TSR1: variants seen among roughly 807,000 people sequenced by gnomAD.
TSR1 encodes pre-rRNA-processing protein TSR1 homolog.
In TSR1, 81 loss-of-function variants were observed where a neutral mutation model predicts 90.9. The observed-to-expected ratio is 0.89, with a 90% CI of 0.74 to 1.07. TSR1 has a LOEUF of 1.07. Ranked by LOEUF, TSR1 falls within the 50% of genes least tolerant of loss-of-function variation. TSR1 has a pLI of 0.00. For synonymous variants in TSR1, 362 were observed against 348.8 expected, an observed-to-expected ratio of 1.04 and a Z score of -0.42; for missense variants, 989 against 987.3, an observed-to-expected ratio of 1.00 and a Z score of -0.02.
intron 11 of TSR1, chr17:2,329,113 T>C (rs1157223967): frequency 1.3e-6 from 1 of 759,118 alleles, no homozygotes; most frequent in Non-Finnish European, 2.4e-6. Context: ...ATGGAACAAA[T>C]ACTCATGGCA....
chr17:2,332,305 CAG>C lies in TSR1; in HGVS notation c.1358_1359del (p.Ser453CysfsTer3). 4 of 1,613,504 alleles carry C rather than the reference CAG, an allele frequency of 2.5e-6. No homozygotes were observed. Among genetic ancestry groups the C allele is most frequent in the Non-Finnish European group, 3.4e-6 (4 of 1,179,920 alleles). On this transcript the variant is annotated frameshift_variant, in exon 8 of 15. Coordinates refer to ENST00000301364, the MANE Select transcript of TSR1 (RefSeq NM_018128.5). LOFTEE classifies it high-confidence loss of function. The part of the protein sequence containing the change: ...EEYETMTIGE[S>X]VHDDLYDKKV... ...TTCTTATCATACAGATCATCATGCA[CAG>C]ACTCCCCAATAGTCATAGTTTCATA...
rs1171694142 is a variant in TSR1 at position 2,336,066 on chromosome 17, T to C, written c.172A>G (p.Ser58Gly). 1 of 1,614,124 alleles carries C rather than the reference T, an allele frequency of 6.2e-7. No individual in the cohort carries two copies. The highest frequency in any genetic ancestry group is 8.5e-7 in the Non-Finnish European group (1 of 1,180,044). ...LSRVDQRHRA[S>G]QLRKQKKEAV... is the part of the protein sequence containing the mutation. ...TCCTTCTTCTGCTTTCGGAGCTGGC[T>C]GGCGCGATGCCTCTGGTCGACTCTG... Residue 58 changes from serine (S) to glycine (G), a missense_variant, in exon 2 of 15, where the codon AGC becomes GGC. Physicochemically the swap from Ser to Gly is moderately conservative, Grantham distance 56. Transcript: ENST00000301364.
chr17:2,328,494 CAGG>C (rs970365207), intron 11 of TSR1, among the ~76,000 whole-genome samples: 2 of 151,626 alleles, frequency 1.3e-5, no homozygotes, highest in Non-Finnish European at 2.9e-5. Flanking sequence ...GAGGCTGAGG[CAGG>C]AGAATTGCTT....
rs1212108910 is a variant in TSR1, at chr17:2,323,541, G to T, written c.*655C>A. The T allele has an allele frequency of 8.1e-7, 1 of 1,236,046 alleles. No homozygotes were observed. 76.6% of individuals were successfully genotyped at this position (1,236,046 alleles called of 1,614,324 possible). ...GAATTAAAGAAAAGCTTTGGGAAGC[G>T]TGTGTACACAGTGATAAGAAAATTC... On this transcript the variant is annotated 3_prime_UTR_variant, in exon 15 of 15. Coordinates refer to ENST00000301364, the MANE Select transcript of TSR1 (RefSeq NM_018128.5).
Position 2,330,928 on chromosome 17 carries a change from G to T in TSR1, c.1659+19C>A. 2 of 1,561,588 alleles carry T rather than the reference G, an allele frequency of 1.3e-6. No individual in the cohort carries two copies. The highest frequency in any genetic ancestry group is 2.5e-5 in the South Asian group (2 of 81,282). ...GACAAATGAAAGCAACATACAAGAT[G>T]AACAAGGAGGATAGATACCTCAGCT... On this transcript the variant is annotated intron_variant, in intron 9 of 14. Transcript: ENST00000301364.
chr17:2,335,135 A>C lies in TSR1; in HGVS notation c.556+125T>G, dbSNP rs144933508. ...GTGATAATCTGTAAACAATGGATCA[A>C]GTTTAATCCATATGTGTACATCCCA... On this transcript the variant is annotated intron_variant, in intron 4 of 14. Coordinates refer to ENST00000301364, the MANE Select transcript of TSR1 (RefSeq NM_018128.5). 746 of 1,172,494 alleles carry C rather than the reference A, an allele frequency of 6.4e-4. 4 individuals are homozygous for C. In the African/African-American group the frequency reaches 9.0e-3, roughly 14 times the overall value. The allele number at this position is 1,172,494 out of a possible 1,614,324, so 72.6% of individuals were successfully genotyped here. A position where few individuals can be genotyped will look rare whatever the true frequency, so the allele number is the denominator to read the frequency against.
Position 2,323,408 on chromosome 17 carries a change from T to A in TSR1, c.*788A>T. On this transcript the variant is annotated 3_prime_UTR_variant, in exon 15 of 15. Transcript: ENST00000301364. ...TGTAACTTCTTAGGCAGAAGAAACT[T>A]CCCTTAGGAGTAGCAAGTGACCCAC... is the stretch of plus-strand genomic sequence containing the variant. 1 of 1,591,538 alleles carries A rather than the reference T, an allele frequency of 6.3e-7. No individual in the cohort carries two copies. Among genetic ancestry groups the A allele is most frequent in the Non-Finnish European group, 8.6e-7 (1 of 1,161,852 alleles).
In TSR1 at chr17:2,325,354, G is replaced by A; in HGVS notation, c.1970C>T (p.Pro657Leu). Residue 657 changes from proline (P) to leucine (L), a missense_variant, in exon 12 of 15, where the codon CCA (proline) becomes CTA (leucine). Transcript: ENST00000301364. ...CACAGATGCAGGAGGAAAAGTGATT[G>A]GCGCATAGACTGTCGCCACCAGGGC... ...DMALVATVYA[P>L]ITFPPASVLL... is the part of the protein sequence containing the mutation. The A allele has an allele frequency of 6.2e-7, 1 of 1,613,380 alleles. No homozygotes were observed. Among genetic ancestry groups the A allele is most frequent in the South Asian group, 1.1e-5 (1 of 90,834 alleles).
chr17:2,328,272 C>A (rs1037121169), intron 11 of TSR1, among the ~76,000 whole-genome samples: 5 of 148,332 alleles, frequency 3.4e-5, no homozygotes, highest in Non-Finnish European at 7.4e-5. Context: ...AGAGGCCAGG[C>A]ACATTGGCTC....
rs146764619 is a variant in TSR1, at chr17:2,333,650, C to A, written c.1048G>T (p.Gly350Cys). ...TCTGCTTGCAAGGATTCCTGTCTAC[C>A]AGGGTCTGCCTTCATTAGGACTTTA... is the stretch of plus-strand genomic sequence containing the variant. ...GLKVLMKADP[G>C]RQESLQAEVI... is the part of the protein sequence containing the mutation. Residue 350 changes from glycine (G) to cysteine (C), a missense_variant, in exon 6 of 15, where the codon GGT (glycine) becomes TGT (cysteine). By Grantham distance (159) the Gly-to-Cys change is radical (BLOSUM62 -3). Transcript: ENST00000301364. The A allele has an allele frequency of 5.6e-6, 9 of 1,614,096 alleles. No homozygotes were observed. Among genetic ancestry groups the A allele is most frequent in the Middle Eastern group, 3.3e-4 (2 of 6,062 alleles).
In TSR1 at chr17:2,323,835, G is replaced by T. The variant is rs1658312719; in HGVS notation, c.*361C>A. 6.2e-7 allele frequency: 1 copy of T among 1,614,044 alleles called. No individual in the cohort carries two copies. ...CTCCTCCATAACTTGGGTGAAGCAG[G>T]CTGAAAGGCCAGCTTCTTATCAGTC... On this transcript the variant is annotated 3_prime_UTR_variant, in exon 15 of 15. Transcript: ENST00000301364.
At chr17:2,325,000 T>C (rs2075567112) in intron 12 of TSR1, 171 bp from the exon 13 acceptor site, 2 of 702,124 alleles carry the variant, frequency 2.8e-6, no homozygotes, top group South Asian at 4.3e-5. Flanking sequence ...TGTCAATAGG[T>C]TCTTGAAAAC....
chr17:2,334,943 TA>T, intron 4 of TSR1, 47 bp from the exon 5 acceptor site: 1 of 1,556,138 alleles, frequency 6.4e-7, no homozygotes, highest in Non-Finnish European at 8.7e-7. Flanking sequence ...CTTCATTACA[TA>T]AAAATCCCTC....
Position 2,334,560 on chromosome 17 carries a change from T to G in TSR1, c.893A>C (p.Gln298Pro), listed in dbSNP as rs763507991. Residue 298 changes from glutamine (Q) to proline (P), a missense_variant, in exon 5 of 15, where the codon CAG becomes CCG. Coordinates refer to ENST00000301364, the MANE Select transcript of TSR1 (RefSeq NM_018128.5). ...LLHIVGYGDF[Q>P]MKQIDAPGDP... is the part of the protein sequence containing the mutation. ...TCCGGGGGCATCTATCTGTTTCATC[T>G]GGAAATCACCATATCCAACGATATG... 6.2e-7 allele frequency: 1 copy of G among 1,614,086 alleles called. No individual in the cohort carries two copies. Among genetic ancestry groups the G allele is most frequent in the Non-Finnish European group, 8.5e-7 (1 of 1,180,050 alleles).
intron 7 of TSR1, among the ~76,000 whole-genome samples, chr17:2,332,583 T>C (rs2151441405): frequency 6.6e-6 from 1 of 152,330 alleles, no homozygotes; most frequent in South Asian, 2.1e-4. Context: ...ACGCCTGTAA[T>C]CCCAGCACTT....
intron 11 of TSR1, 184 bp downstream of exon 11, chr17:2,329,158 TG>T: frequency 1.0e-6 from 1 of 955,440 alleles, no homozygotes; most frequent in Non-Finnish European, 1.7e-6. Context: ...GTTGCATCAC[TG>T]GGATGCTTCA....
In TSR1 at chr17:2,332,948, C is replaced by T. The variant is rs1441335740; in HGVS notation, c.1305+13G>A. On this transcript the variant is annotated intron_variant, in intron 7 of 14. Coordinates refer to ENST00000301364, the MANE Select transcript of TSR1 (RefSeq NM_018128.5). ...GCTAGACACAGAATTGGCCTAAGGC[C>T]TCATTTCCTTACCTGAGATTCCTCC... The T allele has an allele frequency of 1.2e-6, 2 of 1,611,936 alleles. No individual in the cohort carries two copies. Among genetic ancestry groups the T allele is most frequent in the Non-Finnish European group, 1.7e-6 (2 of 1,178,612 alleles).
intron 11 of TSR1, among the ~76,000 whole-genome samples, chr17:2,328,477 T>C (rs2075586717): frequency 6.6e-6 from 1 of 151,554 alleles, no homozygotes; most frequent in African/African-American, 2.4e-5. Context: ...CCAACTACTC[T>C]ACTCGGGAGG....
chr17:2,330,898 A>G, intron 9 of TSR1, 49 bp downstream of exon 9: 1 of 1,532,892 alleles, frequency 6.5e-7, no homozygotes, highest in Non-Finnish European at 8.7e-7. Flanking sequence ...AGTAGGGAGC[A>G]TGTTGACAAA....
Sources: allele counts gnomAD v4.1 joint callset (sites outside exome capture counted in the v4.1 genomes callset), GRCh38; gene constraint gnomAD v4.1.1; transcripts MANE v1.5; gene names NCBI Gene and HGNC (gene_info 2026-07-23, HGNC 2026-07-21).